KCTD10: variants seen among roughly 807,000 people sequenced by gnomAD.
The protein encoded by KCTD10 is potassium channel tetramerization domain containing 10.
KCTD10 carries 13 observed loss-of-function variants against 34.6 expected under a neutral mutation model. The observed-to-expected ratio is 0.38, with a 90% CI of 0.24 to 0.60. KCTD10 has a LOEUF of 0.60. KCTD10 is among the 20% of genes least tolerant of loss of function. The pLI is 0.66. For missense variants in KCTD10, 256 were observed against 420.3 expected (o/e 0.61, Z 3.42); for synonymous variants, 156 against 168.8 (o/e 0.92, Z 0.59).
intron 5 of KCTD10, chr12:109,457,372 C>T: frequency 2.6e-6 from 1 of 377,506 alleles, no homozygotes; most frequent in East Asian, 4.3e-5. Flanking sequence ...TCGTTATGGC[C>T]TCACAACTTG....
intron 3 of KCTD10, chr12:109,458,376 A>G (rs1024478808): frequency 3.6e-6 from 1 of 280,864 alleles, no homozygotes; most frequent in Non-Finnish European, 6.7e-6. Flanking sequence ...GGCAGCAGAA[A>G]CGTGTTTTAA....
At chr12:109,464,804 T>C (rs914889654) in intron 2 of KCTD10, 2 of 455,838 alleles carry the variant, frequency 4.4e-6, no homozygotes, top group Non-Finnish European at 4.4e-6. Context: ...AATTAAAAGG[T>C]TGGACAGTGC....
At chr12:109,452,817 G>T (rs993864096) in intron 6 of KCTD10, among the ~76,000 whole-genome samples, 3 of 148,798 alleles carry the variant, frequency 2.0e-5, no homozygotes, top group Non-Finnish European at 4.4e-5. Flanking sequence ...CAGGCAGAGA[G>T]GCTGGGAGGA....
chr12:109,467,759 C>T (rs72649521), intron 2 of KCTD10, among the ~76,000 whole-genome samples: 7,302 of 152,174 alleles, frequency 0.048, 214 homozygotes, highest in Non-Finnish European at 0.067. Flanking sequence ...CCCCGAGAAC[C>T]TGTGTTTTCC....
intron 2 of KCTD10, among the ~76,000 whole-genome samples, chr12:109,462,832 C>T (rs1332241097): frequency 6.6e-6 from 1 of 152,212 alleles, no homozygotes; most frequent in Non-Finnish European, 1.5e-5. Context: ...CATCAACCCA[C>T]CACAAGGCAA....
At chr12:109,473,882 A>C (rs1171648356) in intron 1 of KCTD10, among the ~76,000 whole-genome samples, 1 of 151,922 alleles carries the variant, frequency 6.6e-6, no homozygotes, top group Non-Finnish European at 1.5e-5. Flanking sequence ...CCCAGGTTCA[A>C]GCAATTCTCC....
In KCTD10 at chr12:109,456,233, A is replaced by G; in HGVS notation, c.608T>C (p.Ile203Thr). The G allele has an allele frequency of 6.2e-7, 1 of 1,614,214 alleles. No homozygotes were observed. Among genetic ancestry groups the G allele is most frequent in the Non-Finnish European group, 8.5e-7 (1 of 1,180,032 alleles). The change falls in exon 6 of 7, where the codon ATA becomes ACA. Residue 203 changes from isoleucine (I) to threonine (T), a missense_variant. By Grantham distance (89) the Ile-to-Thr change is moderately conservative. Coordinates refer to ENST00000228495, the MANE Select transcript of KCTD10 (RefSeq NM_031954.5). ...SLRFNGRVLF[I>T]KDVIGDEICC... is the part of the protein sequence containing the mutation. Reference sequence around the variant, plus strand: ...GATTTCATCCCCAATAACATCCTTTATGAACAGGACCCTTCCGTTAAAGCG... The same window carrying G: ...GATTTCATCCCCAATAACATCCTTTGTGAACAGGACCCTTCCGTTAAAGCG...
At chr12:109,477,185 C>CCAG in intron 1 of KCTD10, 75 bp downstream of exon 1, 1 of 1,585,224 alleles carries the variant, frequency 6.3e-7, no homozygotes, top group South Asian at 1.1e-5. Context: ...CCTCTCGGTC[C>CCAG]CTTCTTATAC....
intron 1 of KCTD10, among the ~76,000 whole-genome samples, chr12:109,476,078 T>C (rs1281380496): frequency 1.3e-5 from 2 of 152,152 alleles, no homozygotes; most frequent in Non-Finnish European, 2.9e-5. Flanking sequence ...AATCAAGAAA[T>C]CATTAGTCTA....
chr12:109,475,198 GCA>G (rs988553351), intron 1 of KCTD10, among the ~76,000 whole-genome samples: 4 of 152,086 alleles, frequency 2.6e-5, no homozygotes, highest in African/African-American at 9.7e-5. Flanking sequence ...GCCAGGCCAG[GCA>G]CAGTGGCTCA....
intron 1 of KCTD10, among the ~76,000 whole-genome samples, chr12:109,471,570 T>C (rs1873887933): frequency 6.6e-6 from 1 of 152,230 alleles, no homozygotes; most frequent in African/African-American, 2.4e-5. Context: ...CCTTTCTAGC[T>C]GTCCTCTGAA....
At position 109,469,796 on chromosome 12, in the gene KCTD10, A is replaced by G. The variant is rs1471416260; in HGVS notation, c.4-68T>C. 36 of 1,587,858 alleles carry G rather than the reference A, an allele frequency of 2.3e-5. No homozygotes were observed. The Admixed American group carries it at 5.8e-4, about 26-fold the overall frequency. ...TGACTGCTTTCAGCCTGTGGATTCA[A>G]TCTGGCCTCCAGATGTGTTTTGCTT... On this transcript the variant is annotated intron_variant, in intron 1 of 6. Coordinates refer to ENST00000228495, the MANE Select transcript of KCTD10 (RefSeq NM_031954.5).
chr12:109,471,936 AT>A (rs930009982), intron 1 of KCTD10, among the ~76,000 whole-genome samples: 1 of 152,102 alleles, frequency 6.6e-6, no homozygotes, highest in African/African-American at 2.4e-5. Context: ...GATATGAAGG[AT>A]TTTTTTCTAA....
At chr12:109,453,149 C>T (rs898088239) in intron 6 of KCTD10, among the ~76,000 whole-genome samples, 8 of 152,202 alleles carry the variant, frequency 5.3e-5, no homozygotes, top group South Asian at 2.1e-4. Flanking sequence ...CAGCCTTGAA[C>T]GCCTAGGCTC....
rs1391884894 is a variant in KCTD10 at position 109,460,904 on chromosome 12, C to T, written c.218-99G>A. 4.8e-6 allele frequency: 6 copies of T among 1,241,324 alleles called. No individual in the cohort carries two copies. The highest frequency in any genetic ancestry group is 4.3e-5 in the Admixed American group (2 of 46,776). The allele number at this position is 1,241,324 out of a possible 1,614,324, so 76.9% of individuals were successfully genotyped here. ...TCTCTCGGCTCCCTCTACCTCCCAG[C>T]GGAGAGCGGGACTGCCTGGAGAATG... On this transcript the variant is annotated intron_variant, in intron 2 of 6. Transcript: ENST00000228495. The surrounding 1 kb of genome is among the most constrained non-coding windows in gnomAD (Gnocchi z 4.5).
Position 109,457,988 on chromosome 12 carries a change from A to C in KCTD10, c.474+4T>G. 1 of 1,611,162 alleles carries C rather than the reference A, an allele frequency of 6.2e-7. No individual in the cohort carries two copies. Among genetic ancestry groups the C allele is most frequent in the Non-Finnish European group, 8.5e-7 (1 of 1,177,242 alleles). On this transcript the variant is annotated splice_donor_region_variant and intron_variant, in intron 4 of 6. Coordinates refer to ENST00000228495, the MANE Select transcript of KCTD10 (RefSeq NM_031954.5). The stretch of plus-strand genomic sequence containing the variant: ...GAAATTCCACAAGGGTGCCTCCAAC[A>C]TACCTTATTTGAAGTCGCTATAAGT...
chr12:109,471,219 A>G, intron 1 of KCTD10: 1 of 985,432 alleles, frequency 1.0e-6, no homozygotes, highest in Non-Finnish European at 1.2e-6. Context: ...TTATTTTTGT[A>G]AATGGGACTG....
intron 1 of KCTD10, 100 bp downstream of exon 1, chr12:109,477,160 C>T: frequency 6.8e-7 from 1 of 1,478,952 alleles, no homozygotes; most frequent in Admixed American, 1.9e-5. Flanking sequence ...GTGACTGCCC[C>T]TCATCACACC....
At chr12:109,476,134 A>G (rs1874223855) in intron 1 of KCTD10, among the ~76,000 whole-genome samples, 1 of 152,232 alleles carries the variant, frequency 6.6e-6, no homozygotes, top group Non-Finnish European at 1.5e-5. Flanking sequence ...CTCCACCCCA[A>G]GAATGTCTGA....
Sources: allele counts gnomAD v4.1 joint callset (sites outside exome capture counted in the v4.1 genomes callset), GRCh38; gene constraint gnomAD v4.1.1; non-coding constraint Gnocchi (gnomAD v3.1); transcripts MANE v1.5; gene names NCBI Gene and HGNC (gene_info 2026-07-23, HGNC 2026-07-21).